Variants in ARHGAP24 observed in about 807,000 individuals in gnomAD.
The protein encoded by ARHGAP24 is rho GTPase-activating protein 24.
In ARHGAP24, 50 loss-of-function variants were observed where a neutral mutation model predicts 76.4. The observed-to-expected ratio is 0.65, with a 90% CI of 0.52 to 0.83. The LOEUF is 0.83. Among genes scored for constraint, ARHGAP24 ranks in the 40% least tolerant of loss-of-function variants. ARHGAP24 has a pLI of 0.00. For missense variants in ARHGAP24, 930 were observed against 914.2 expected, an observed-to-expected ratio of 1.02 and a Z score of -0.22; for synonymous variants, 345 against 323.3, an observed-to-expected ratio of 1.07 and a Z score of -0.72.
At chr4:85,971,892 A>G in intron 5 of ARHGAP24, 144 bp from the exon 6 acceptor site, 1 of 1,146,334 alleles carries the variant, frequency 8.7e-7, no homozygotes, top group Non-Finnish European at 1.3e-6. Context: ...TAGGCATCAC[A>G]TAAATGAGTG....
At chr4:85,683,471 C>T (rs1723307627) in intron 2 of ARHGAP24, among the ~76,000 whole-genome samples, 1 of 152,156 alleles carries the variant, frequency 6.6e-6, no homozygotes, top group Non-Finnish European at 1.5e-5. Context: ...TCTTAACTCA[C>T]CTACTTATTT....
chr4:85,522,286 C>T (rs2110111694), intron 1 of ARHGAP24, among the ~76,000 whole-genome samples: 1 of 152,234 alleles, frequency 6.6e-6, no homozygotes, highest in African/African-American at 2.4e-5. Flanking sequence ...TAAACAAATT[C>T]CACAAATTTA....
At chr4:85,964,933 T>TGTC (rs1445692800) in intron 5 of ARHGAP24, among the ~76,000 whole-genome samples, 1 of 152,104 alleles carries the variant, frequency 6.6e-6, no homozygotes, top group Non-Finnish European at 1.5e-5. Flanking sequence ...TATATTAAAC[T>TGTC]GTCAAATATT....
At chr4:85,649,387 T>C (rs1721850147) in intron 2 of ARHGAP24, among the ~76,000 whole-genome samples, 1 of 152,148 alleles carries the variant, frequency 6.6e-6, no homozygotes. Flanking sequence ...GGAAACAATG[T>C]CAGCGGTGTT....
At chr4:85,779,487 AAC>A (rs1293895701) in intron 3 of ARHGAP24, among the ~76,000 whole-genome samples, 1 of 152,200 alleles carries the variant, frequency 6.6e-6, no homozygotes, top group Non-Finnish European at 1.5e-5. Flanking sequence ...TGACCTGGGA[AAC>A]ACAGTTATTT....
Position 85,613,531 on chromosome 4 carries a change from T to G in ARHGAP24, c.180+42810T>G, listed in dbSNP as rs75735042. On this transcript the variant is annotated intron_variant, in intron 2 of 9. Coordinates refer to ENST00000395184, the MANE Select transcript of ARHGAP24 (RefSeq NM_001025616.3). ...CAAGGCTAAGAATGAGAAACAATTT[T>G]ATTTTCCTGCACAGCAAAGCCCAAC... is the stretch of plus-strand genomic sequence containing the variant. Among the ~76,000 whole-genome samples, 1,271 of 152,332 alleles carry G rather than the reference T, an allele frequency of 8.3e-3. 19 individuals are homozygous for G. The highest frequency in any genetic ancestry group is 0.029 in the African/African-American group (1,197 of 41,562).
intron 1 of ARHGAP24, among the ~76,000 whole-genome samples, chr4:85,558,646 G>A (rs1726480684): frequency 6.6e-6 from 1 of 152,264 alleles, no homozygotes; most frequent in South Asian, 2.1e-4. Context: ...AGCAACTGTG[G>A]TTTAGTGATT....
chr4:85,543,032 T>C lies in ARHGAP24; in HGVS notation c.-20-27490T>C, dbSNP rs144519756. Among the ~76,000 whole-genome samples the C allele has an allele frequency of 5.8e-3, 881 of 152,338 alleles. 7 individuals carry two copies. The highest frequency in any genetic ancestry group is 0.02 in the African/African-American group (829 of 41,592). On this transcript the variant is annotated intron_variant, in intron 1 of 9. Coordinates refer to ENST00000395184, the MANE Select transcript of ARHGAP24 (RefSeq NM_001025616.3). ...AAGCTGCTGCTAACGATGCTGCTGCTAATTTTAGCTGTAGTAAGTTCCAAT... is the reference window on the plus strand; with the variant it reads ...AAGCTGCTGCTAACGATGCTGCTGCCAATTTTAGCTGTAGTAAGTTCCAAT...
At chr4:85,854,182 G>T (rs1731428400) in intron 3 of ARHGAP24, among the ~76,000 whole-genome samples, 1 of 148,650 alleles carries the variant, frequency 6.7e-6, no homozygotes. Context: ...TTGCAACTTT[G>T]ACTGCTACAG....
chr4:85,509,286 G>A (rs1724186851), intron 1 of ARHGAP24, among the ~76,000 whole-genome samples: 1 of 151,308 alleles, frequency 6.6e-6, no homozygotes, highest in Non-Finnish European at 1.5e-5. Context: ...CATGGCACAT[G>A]TATACATATG....
At chr4:85,570,321 TTCTC>T (rs901601963) in intron 1 of ARHGAP24, among the ~76,000 whole-genome samples, 197 bp from the exon 2 acceptor site, 15 of 151,878 alleles carry the variant, frequency 9.9e-5, no homozygotes, top group South Asian at 2.1e-4. Context: ...CTCTTTCTCT[TTCTC>T]TCTCTCTCTT....
chr4:85,731,027 CAG>C (rs371450623), intron 3 of ARHGAP24, among the ~76,000 whole-genome samples: 6,055 of 80,416 alleles, frequency 0.075, 160 homozygotes, highest in Middle Eastern at 0.11. Flanking sequence ...CACACACACA[CAG>C]AGAGAGAGAC....
intron 1 of ARHGAP24, among the ~76,000 whole-genome samples, chr4:85,497,379 C>G (rs1367961490): frequency 6.6e-6 from 1 of 152,184 alleles, no homozygotes; most frequent in African/African-American, 2.4e-5. Flanking sequence ...ACTTATTTCT[C>G]AGAAATTTTG....
intron 3 of ARHGAP24, among the ~76,000 whole-genome samples, chr4:85,895,162 T>C (rs1233788254): frequency 6.6e-6 from 1 of 151,730 alleles, no homozygotes; most frequent in African/African-American, 2.4e-5. Flanking sequence ...GAAGAACTTA[T>C]CCATGTAACC....
intron 2 of ARHGAP24, among the ~76,000 whole-genome samples, chr4:85,689,007 C>T (rs1723533544): frequency 6.6e-6 from 1 of 152,044 alleles, no homozygotes; most frequent in Non-Finnish European, 1.5e-5. Flanking sequence ...GTTACTTTTG[C>T]TTAGGATTGC....
intron 2 of ARHGAP24, among the ~76,000 whole-genome samples, chr4:85,650,811 T>G (rs1173699844): frequency 2.0e-5 from 3 of 149,394 alleles, no homozygotes; most frequent in East Asian, 3.9e-4. Flanking sequence ...AGGGAACCTG[T>G]GAAAGTATTG....
At chr4:85,712,296 C>A (rs905320305) in intron 2 of ARHGAP24, among the ~76,000 whole-genome samples, 1 of 152,130 alleles carries the variant, frequency 6.6e-6, no homozygotes, top group South Asian at 2.1e-4. Context: ...CCTTGCACAC[C>A]CTGGATTCTC....
At chr4:85,818,417 C>T (rs967210891) in intron 3 of ARHGAP24, among the ~76,000 whole-genome samples, 1 of 152,172 alleles carries the variant, frequency 6.6e-6, no homozygotes, top group African/African-American at 2.4e-5. Context: ...AATAATTATA[C>T]CCACTAAGTC....
chr4:85,890,737 A>T (rs1260940754), intron 3 of ARHGAP24, among the ~76,000 whole-genome samples: 1 of 152,198 alleles, frequency 6.6e-6, no homozygotes. Flanking sequence ...TAGAAGCTAG[A>T]CTGTTAAGGG....
Sources: allele counts gnomAD v4.1 joint callset (sites outside exome capture counted in the v4.1 genomes callset), GRCh38; gene constraint gnomAD v4.1.1; transcripts MANE v1.5; gene names NCBI Gene and HGNC (gene_info 2026-07-23, HGNC 2026-07-21).